The following PLD5 variants were observed in gnomAD, a reference collection of about 807,000 sequenced individuals.
The protein encoded by PLD5 is inactive phospholipase D5.
Under a neutral mutation model 61.1 loss-of-function variants are expected in PLD5, and 36 were observed. The observed-to-expected ratio is 0.59, with a 90% confidence interval of 0.45 to 0.78. The LOEUF is 0.78. Among genes scored for constraint, PLD5 ranks in the 30% least tolerant of loss-of-function variants. The probability of loss-of-function intolerance (pLI) is 0.00; values close to 1 mark genes in which losing one functional copy is unlikely to be tolerated. For missense variants in PLD5, 515 were observed against 644.4 expected (o/e 0.80, Z 2.17); for synonymous variants, 243 against 242.8 (o/e 1.00, Z -0.01).
chr1:242,097,570 A>G (rs1660345942), intron 9 of PLD5, among the ~76,000 whole-genome samples: 1 of 152,112 alleles, frequency 6.6e-6, no homozygotes, highest in Admixed American at 6.6e-5. Flanking sequence ...GTCTGTTCAT[A>G]TCCTTTGCCC....
chr1:242,181,028 C>T (rs1273764685), intron 5 of PLD5, among the ~76,000 whole-genome samples: 1 of 151,962 alleles, frequency 6.6e-6, no homozygotes, highest in Non-Finnish European at 1.5e-5. Flanking sequence ...ACAAAAAACC[C>T]CACAAATTTC....
intron 1 of PLD5, among the ~76,000 whole-genome samples, chr1:242,509,935 T>C (rs1668850258): frequency 6.6e-6 from 1 of 152,174 alleles, no homozygotes; most frequent in Admixed American, 6.5e-5. Context: ...CTTCACACTT[T>C]CACACTCCTG....
At chr1:242,283,506 A>C (rs1176150286) in intron 3 of PLD5, among the ~76,000 whole-genome samples, 2 of 152,230 alleles carry the variant, frequency 1.3e-5, no homozygotes, top group African/African-American at 4.8e-5. Context: ...TTGGTTTAAA[A>C]TTAAATGTCA....
chr1:242,168,712 G>A (rs1190449188), intron 5 of PLD5, among the ~76,000 whole-genome samples: 1 of 152,122 alleles, frequency 6.6e-6, no homozygotes, highest in Non-Finnish European at 1.5e-5. Context: ...TTGACAATTG[G>A]ATCTGAGGCT....
intron 5 of PLD5, among the ~76,000 whole-genome samples, chr1:242,158,160 C>T (rs1481245098): frequency 6.6e-6 from 1 of 152,212 alleles, no homozygotes; most frequent in East Asian, 1.9e-4. Flanking sequence ...CCTTCCCCCA[C>T]CAAGCTCAAG....
At chr1:242,496,058 T>C (rs1456181859) in intron 1 of PLD5, among the ~76,000 whole-genome samples, 1 of 152,252 alleles carries the variant, frequency 6.6e-6, no homozygotes, top group Non-Finnish European at 1.5e-5. Flanking sequence ...CAATTATCAT[T>C]GGCAAGGAAA....
intron 6 of PLD5, among the ~76,000 whole-genome samples, chr1:242,119,553 TTG>T (rs911828071): frequency 2.0e-5 from 3 of 152,214 alleles, no homozygotes; most frequent in African/African-American, 7.2e-5. Flanking sequence ...GATAGATATT[TTG>T]TGTCTCTTCT....
intron 1 of PLD5, among the ~76,000 whole-genome samples, chr1:242,392,977 G>T (rs2149266048): frequency 6.6e-6 from 1 of 151,780 alleles, no homozygotes; most frequent in East Asian, 2.0e-4. Context: ...GCCGAGGCGG[G>T]TGGATTACCT....
At chr1:242,181,474 A>AT (rs1240195355) in intron 5 of PLD5, among the ~76,000 whole-genome samples, 2 of 151,944 alleles carry the variant, frequency 1.3e-5, no homozygotes, top group Admixed American at 6.6e-5. Context: ...TTGGCTTTAA[A>AT]TTTTTTTTAA....
chr1:242,359,595 C>T (rs143148344), intron 1 of PLD5, among the ~76,000 whole-genome samples: 576 of 152,276 alleles, frequency 3.8e-3, no homozygotes, highest in Non-Finnish European at 5.0e-3. Flanking sequence ...TTTCAAGAAA[C>T]ACCACAGTGA....
At chr1:242,277,685 AAG>A (rs1332435326) in intron 3 of PLD5, among the ~76,000 whole-genome samples, 18 of 149,372 alleles carry the variant, frequency 1.2e-4, no homozygotes, top group African/African-American at 4.2e-4. Context: ...GTTCAAAATT[AAG>A]ATACAATTCT....
chr1:242,394,067 C>A (rs199518509), intron 1 of PLD5, among the ~76,000 whole-genome samples: 44 of 66,496 alleles, frequency 6.6e-4, no homozygotes, highest in Non-Finnish European at 6.6e-4. Context: ...CAAAAAAAAA[C>A]ATATATATAT....
intron 1 of PLD5, among the ~76,000 whole-genome samples, chr1:242,466,790 G>C (rs183838331): frequency 2.4e-4 from 37 of 152,118 alleles, no homozygotes; most frequent in African/African-American, 7.5e-4. Context: ...TTACTGGGGA[G>C]GCTGAGGCAG....
chr1:242,351,571 T>C (rs1660479851), intron 1 of PLD5, among the ~76,000 whole-genome samples: 1 of 152,190 alleles, frequency 6.6e-6, no homozygotes. Flanking sequence ...CCTCCTTCAC[T>C]TTCCACCATG....
chr1:242,193,492 C>G (rs1043159216), intron 5 of PLD5, among the ~76,000 whole-genome samples: 2 of 152,184 alleles, frequency 1.3e-5, no homozygotes, highest in Admixed American at 1.3e-4. Context: ...GAGGGGTTCC[C>G]CTTGCCAAGG....
intron 5 of PLD5, among the ~76,000 whole-genome samples, chr1:242,199,645 C>T (rs1668860711): frequency 2.0e-5 from 3 of 152,128 alleles, no homozygotes; most frequent in Admixed American, 6.5e-5. Flanking sequence ...GCAATGTACC[C>T]ACCAAACAAC....
intron 5 of PLD5, among the ~76,000 whole-genome samples, chr1:242,151,363 G>C (rs1664914698): frequency 6.6e-6 from 1 of 151,580 alleles, no homozygotes; most frequent in East Asian, 1.9e-4. Flanking sequence ...ATTTTTCTTA[G>C]AGAAAATTTT....
chr1:242,184,187 C>T (rs546517861), intron 5 of PLD5, among the ~76,000 whole-genome samples: 1 of 152,232 alleles, frequency 6.6e-6, no homozygotes, highest in South Asian at 2.1e-4. Flanking sequence ...CACCAAAATC[C>T]TAGTTTCGCC....
intron 1 of PLD5, among the ~76,000 whole-genome samples, chr1:242,496,869 G>C (rs111974888): frequency 1.2e-3 from 178 of 152,332 alleles, no homozygotes; most frequent in Non-Finnish European, 1.7e-3. Flanking sequence ...ATGTGACTAA[G>C]TTTTAGCCAG....
Sources: allele counts gnomAD v4.1 joint callset (sites outside exome capture counted in the v4.1 genomes callset), GRCh38; gene constraint gnomAD v4.1.1; transcripts MANE v1.5; gene names NCBI Gene and HGNC (gene_info 2026-07-23, HGNC 2026-07-21).